Variants in SLC22A16 observed in about 807,000 individuals in gnomAD.
The protein encoded by SLC22A16 is solute carrier family 22 member 16.
In SLC22A16, 53 loss-of-function variants were observed where a neutral mutation model predicts 52.9. That is an observed-to-expected ratio of 1.00 (90% CI 0.80 to 1.26). SLC22A16 has a LOEUF of 1.26. Among genes scored for constraint, SLC22A16 ranks in the 50% most tolerant of loss-of-function variants. The pLI is 0.00. For synonymous variants in SLC22A16, 291 were observed against 268.8 expected, an observed-to-expected ratio of 1.08 and a Z score of -0.81; for missense variants, 726 against 704.0, an observed-to-expected ratio of 1.03 and a Z score of -0.35.
intron 7 of SLC22A16, among the ~76,000 whole-genome samples, chr6:110,428,932 A>T (rs1391978564): frequency 1.3e-4 from 20 of 152,148 alleles, no homozygotes; most frequent in African/African-American, 4.6e-4. Flanking sequence ...AAGAATAATA[A>T]AAATAAAAGG....
intron 1 of SLC22A16, among the ~76,000 whole-genome samples, chr6:110,457,603 G>A (rs1418805895): frequency 6.6e-6 from 1 of 152,140 alleles, no homozygotes; most frequent in Non-Finnish European, 1.5e-5. Flanking sequence ...TCATTAGTTT[G>A]TAGTAATTAC....
intron 3 of SLC22A16, among the ~76,000 whole-genome samples, chr6:110,443,136 T>C (rs564876014): frequency 6.6e-6 from 1 of 152,216 alleles, no homozygotes; most frequent in Non-Finnish European, 1.5e-5. Context: ...TATTGTTAAA[T>C]CCTAACTGCT....
intron 2 of SLC22A16, among the ~76,000 whole-genome samples, chr6:110,448,792 A>G (rs951553961): frequency 6.6e-5 from 10 of 152,180 alleles, no homozygotes; most frequent in African/African-American, 2.4e-4. Flanking sequence ...ACTTACCAAC[A>G]TGACCTGCAT....
chr6:110,455,527 A>C (rs12195708), intron 2 of SLC22A16: 80,605 of 151,958 alleles, frequency 0.53, 22,107 homozygotes, highest in African/African-American at 0.67. Flanking sequence ...CCACCATATG[A>C]CTGTAAAATC....
In SLC22A16 at chr6:110,442,488, C is replaced by T; in HGVS notation, c.939G>A (p.Lys313=). ...GTTTACAGGAGCTTGCCCTGTTCCA[C>T]TTGGCCATGATGTCAACTATTTTTT... The part of the protein sequence containing the change: ...EAQKIVDIMA[K]WNRASSCKLS... The change falls in exon 4 of 8, where the codon AAG becomes AAA. Residue 313 remains lysine, a synonymous_variant. Transcript: ENST00000368919. The T allele has an allele frequency of 6.2e-7, 1 of 1,614,236 alleles. No homozygotes were observed. Among genetic ancestry groups the T allele is most frequent in the Non-Finnish European group, 8.5e-7 (1 of 1,180,036 alleles).
intron 1 of SLC22A16, among the ~76,000 whole-genome samples, chr6:110,458,791 T>C (rs970652556): frequency 6.6e-6 from 1 of 152,180 alleles, no homozygotes; most frequent in African/African-American, 2.4e-5. Context: ...AGCTGGGACA[T>C]CCATATTCTC....
intron 1 of SLC22A16, among the ~76,000 whole-genome samples, chr6:110,472,120 G>C (rs935042015): frequency 1.3e-5 from 2 of 152,138 alleles, no homozygotes; most frequent in African/African-American, 2.4e-5. Flanking sequence ...GGCCTGCCCC[G>C]CCTGGAGGGT....
chr6:110,437,372 T>C (rs946500435), intron 5 of SLC22A16, among the ~76,000 whole-genome samples: 3 of 152,190 alleles, frequency 2.0e-5, no homozygotes, highest in East Asian at 1.9e-4. Flanking sequence ...AGCTGCCATC[T>C]ACTCAACTAC....
In SLC22A16 at chr6:110,462,131, G is replaced by A. The variant is rs138372031; in HGVS notation, c.54-5114C>T. On this transcript the variant is annotated intron_variant, in intron 1 of 7. Coordinates refer to ENST00000368919, the MANE Select transcript of SLC22A16 (RefSeq NM_033125.4). ...CCTTTTACTGTCACAAGAACAGCACGGGAAATACCTGCCTCCATGTTTCAA... is the reference window on the plus strand; with the variant it reads ...CCTTTTACTGTCACAAGAACAGCACAGGAAATACCTGCCTCCATGTTTCAA... 5.3e-4 allele frequency among the ~76,000 whole-genome samples: 80 copies of A among 152,244 alleles called. 1 individual carries two copies. Among genetic ancestry groups the A allele is most frequent in the African/African-American group, 1.7e-3 (70 of 41,544 alleles).
chr6:110,454,033 G>T (rs1323352899), intron 2 of SLC22A16, among the ~76,000 whole-genome samples: 2 of 152,270 alleles, frequency 1.3e-5, no homozygotes, highest in East Asian at 3.9e-4. Flanking sequence ...ACTGCCATGA[G>T]AACAGCACCA....
intron 6 of SLC22A16, among the ~76,000 whole-genome samples, chr6:110,433,968 C>T (rs1468030254): frequency 2.6e-5 from 4 of 152,162 alleles, no homozygotes; most frequent in Non-Finnish European, 5.9e-5. Flanking sequence ...GGGCCGGACG[C>T]AGTGGCTCAC....
chr6:110,438,946 C>G, intron 4 of SLC22A16, 99 bp from the exon 5 acceptor site: 1 of 1,454,016 alleles, frequency 6.9e-7, no homozygotes, highest in Non-Finnish European at 9.3e-7. Context: ...GAGCAGCCCT[C>G]TCCTCACTTC....
At chr6:110,472,286 T>C (rs1484814002) in intron 1 of SLC22A16, among the ~76,000 whole-genome samples, 1 of 152,106 alleles carries the variant, frequency 6.6e-6, no homozygotes, top group Non-Finnish European at 1.5e-5. Flanking sequence ...AACTGTCTGG[T>C]TCTCCCTGCC....
At chr6:110,451,811 T>G (rs540900138) in intron 2 of SLC22A16, among the ~76,000 whole-genome samples, 9 of 152,358 alleles carry the variant, frequency 5.9e-5, no homozygotes, top group African/African-American at 2.2e-4. Context: ...CAATGTTTTT[T>G]GTGTTTTAGA....
intron 7 of SLC22A16, among the ~76,000 whole-genome samples, chr6:110,430,775 C>T (rs1272922683): frequency 1.3e-5 from 2 of 152,214 alleles, no homozygotes; most frequent in East Asian, 1.9e-4. Context: ...TTGGAGCAGG[C>T]AGCCCCCAGA....
intron 7 of SLC22A16, 166 bp from the exon 8 acceptor site, chr6:110,425,251 G>C: frequency 1.3e-6 from 2 of 1,517,250 alleles, no homozygotes; most frequent in Non-Finnish European, 1.8e-6. Context: ...GCTGGACTTC[G>C]AGTTCTTTTC....
At chr6:110,456,335 C>T (rs1775649937) in intron 2 of SLC22A16, 1 of 677,534 alleles carries the variant, frequency 1.5e-6, no homozygotes, top group African/African-American at 1.8e-5. Flanking sequence ...AGTGGTAGAA[C>T]CAGGATTTGG....
intron 1 of SLC22A16, among the ~76,000 whole-genome samples, chr6:110,463,746 T>G (rs1327027527): frequency 6.6e-6 from 1 of 151,856 alleles, no homozygotes; most frequent in Non-Finnish European, 1.5e-5. Context: ...GACAGATCAT[T>G]GAGCTTGATC....
intron 1 of SLC22A16, among the ~76,000 whole-genome samples, chr6:110,465,675 G>C (rs1776036529): frequency 6.6e-6 from 1 of 152,154 alleles, no homozygotes. Context: ...TCATGCTCAT[G>C]GATTAGAAGA....
Sources: allele counts gnomAD v4.1 joint callset (sites outside exome capture counted in the v4.1 genomes callset), GRCh38; gene constraint gnomAD v4.1.1; transcripts MANE v1.5; gene names NCBI Gene and HGNC (gene_info 2026-07-23, HGNC 2026-07-21).